RYR3: variants seen among roughly 807,000 people sequenced by gnomAD.
The protein encoded by RYR3 is ryanodine receptor 3.
Under a neutral mutation model 584.3 loss-of-function variants are expected in RYR3, and 207 were observed. The observed-to-expected ratio is 0.35, with a 90% CI of 0.32 to 0.40. RYR3 has a LOEUF of 0.40. RYR3 is among the 10% of genes least tolerant of loss of function. The probability of loss-of-function intolerance (pLI) is 1.00; values close to 1 mark genes in which losing one functional copy is unlikely to be tolerated. For synonymous variants in RYR3, 2,416 were observed against 2,248.5 expected (o/e 1.07, Z -2.11); for missense variants, 5,616 against 6,089.2 (o/e 0.92, Z 2.59).
chr15:33,410,632 A>C (rs1361823766), intron 1 of RYR3, among the ~76,000 whole-genome samples: 1 of 152,212 alleles, frequency 6.6e-6, no homozygotes, highest in African/African-American at 2.4e-5. Context: ...TTGAGGCATA[A>C]ATGTCTTTCA....
chr15:33,764,598 A>T (rs1457028455), intron 60 of RYR3, among the ~76,000 whole-genome samples: 1 of 151,840 alleles, frequency 6.6e-6, no homozygotes, highest in Admixed American at 6.6e-5. Flanking sequence ...AAAAATGAGC[A>T]TCTGTCCTGT....
intron 1 of RYR3, among the ~76,000 whole-genome samples, chr15:33,449,083 G>A (rs1479836950): frequency 1.8e-4 from 28 of 152,162 alleles, no homozygotes. Context: ...CCCAAACTTA[G>A]CAACTTCAAC....
intron 38 of RYR3, among the ~76,000 whole-genome samples, chr15:33,685,398 A>G (rs1044947486): frequency 2.0e-5 from 3 of 152,214 alleles, no homozygotes; most frequent in East Asian, 1.9e-4. Context: ...AGAGCTAACT[A>G]TCCTAAATAT....
At chr15:33,831,303 TG>T (rs1354494093) in intron 86 of RYR3, among the ~76,000 whole-genome samples, 4 of 152,274 alleles carry the variant, frequency 2.6e-5, no homozygotes, top group Non-Finnish European at 5.9e-5. Flanking sequence ...CTGTTTATAA[TG>T]TTCACACTTT....
chr15:33,468,922 G>C (rs776539961), intron 1 of RYR3, among the ~76,000 whole-genome samples: 1 of 152,172 alleles, frequency 6.6e-6, no homozygotes, highest in African/African-American at 2.4e-5. Context: ...GGCAAGTTAC[G>C]TAACTGCTCT....
chr15:33,452,797 C>T (rs2047238073), intron 1 of RYR3, among the ~76,000 whole-genome samples: 1 of 152,186 alleles, frequency 6.6e-6, no homozygotes, highest in Non-Finnish European at 1.5e-5. Context: ...GTAGTTTTCC[C>T]TACCCTGCTA....
chr15:33,324,238 T>C (rs932259854), intron 1 of RYR3, among the ~76,000 whole-genome samples: 1 of 152,178 alleles, frequency 6.6e-6, no homozygotes, highest in Admixed American at 6.5e-5. Context: ...GAAACTTTGG[T>C]CTGGTAATAT....
chr15:33,805,637 C>T (rs575371533), intron 69 of RYR3, among the ~76,000 whole-genome samples: 1 of 151,970 alleles, frequency 6.6e-6, no homozygotes, highest in African/African-American at 2.4e-5. Flanking sequence ...GCCACCACGC[C>T]CGGCTAATTT....
intron 43 of RYR3, among the ~76,000 whole-genome samples, chr15:33,710,667 G>A (rs571471600): frequency 6.6e-6 from 1 of 152,244 alleles, no homozygotes; most frequent in African/African-American, 2.4e-5. Flanking sequence ...GGGGACCCAG[G>A]CTTTTCCATA....
At position 33,613,333 on chromosome 15, in the gene RYR3, A is replaced by G; in HGVS notation, c.2315A>G (p.Asp772Gly). The G allele has an allele frequency of 6.2e-7, 1 of 1,613,110 alleles. No individual in the cohort carries two copies. Among genetic ancestry groups the G allele is most frequent in the Non-Finnish European group, 8.5e-7 (1 of 1,179,392 alleles). Reference protein sequence around the residue: ...VQGMFENFNTDGLFFPVMSFS... With the variant: ...VQGMFENFNTGGLFFPVMSFS... ...GGGATGTTTGAGAACTTCAACACAG[A>G]CGGGCTCTTCTTCCCTGTGATGAGC... Residue 772 changes from aspartate (D) to glycine (G), a missense_variant, in exon 19 of 104, where the codon GAC (aspartate) becomes GGC (glycine). Transcript: ENST00000634891.
chr15:33,481,166 A>G (rs1052297346), intron 2 of RYR3, among the ~76,000 whole-genome samples: 17 of 152,208 alleles, frequency 1.1e-4, no homozygotes, highest in Non-Finnish European at 2.4e-4. Flanking sequence ...CATCTTTTTC[A>G]TCAGTTTTTT....
chr15:33,477,911 A>AGGGGCTT (rs1219930451), intron 2 of RYR3, among the ~76,000 whole-genome samples: 1 of 116,618 alleles, frequency 8.6e-6, no homozygotes, highest in African/African-American at 2.9e-5. Flanking sequence ...AAAAAAGACT[A>AGGGGCTT]GGGGCTATTA....
At chr15:33,413,926 G>GGA (rs1318506545) in intron 1 of RYR3, among the ~76,000 whole-genome samples, 11 of 152,206 alleles carry the variant, frequency 7.2e-5, no homozygotes, top group African/African-American at 2.7e-4. Flanking sequence ...TGCAAAGTAA[G>GGA]GAGAGGGAAT....
intron 70 of RYR3, among the ~76,000 whole-genome samples, chr15:33,809,710 G>A (rs778291709): frequency 7.3e-5 from 11 of 150,452 alleles, no homozygotes; most frequent in South Asian, 6.3e-4. Context: ...ATCTCGGCTC[G>A]CTGCAACCTC....
chr15:33,679,446 G>A (rs1300219993), intron 38 of RYR3, among the ~76,000 whole-genome samples: 1 of 152,136 alleles, frequency 6.6e-6, no homozygotes, highest in Non-Finnish European at 1.5e-5. Flanking sequence ...TCAAAATAGG[G>A]CATTAAAATG....
At chr15:33,817,229 G>A (rs2076864638) in intron 75 of RYR3, among the ~76,000 whole-genome samples, 1 of 152,144 alleles carries the variant, frequency 6.6e-6, no homozygotes, top group South Asian at 2.1e-4. Context: ...ATGTCATGGG[G>A]GGTTCATGCT....
intron 64 of RYR3, among the ~76,000 whole-genome samples, chr15:33,775,895 C>G (rs2073964710): frequency 6.6e-6 from 1 of 152,232 alleles, no homozygotes; most frequent in Non-Finnish European, 1.5e-5. Context: ...GGCCAAAGTC[C>G]TCTTCCAGGT....
intron 51 of RYR3, among the ~76,000 whole-genome samples, 176 bp from the exon 52 acceptor site, chr15:33,742,190 C>T (rs770119264): frequency 3.1e-4 from 47 of 152,208 alleles, no homozygotes; most frequent in Non-Finnish European, 4.0e-4. Flanking sequence ...CTAACCCTGG[C>T]TATGCCACCC....
At chr15:33,382,640 A>G (rs1455953549) in intron 1 of RYR3, among the ~76,000 whole-genome samples, 2 of 152,176 alleles carry the variant, frequency 1.3e-5, no homozygotes, top group South Asian at 4.1e-4. Flanking sequence ...GACATTTTAT[A>G]CTTTCAATAT....
Sources: allele counts gnomAD v4.1 joint callset (sites outside exome capture counted in the v4.1 genomes callset), GRCh38; gene constraint gnomAD v4.1.1; transcripts MANE v1.5; gene names NCBI Gene and HGNC (gene_info 2026-07-23, HGNC 2026-07-21).